DPYD: variants seen among roughly 807,000 people sequenced by gnomAD.
DPYD encodes the protein dihydropyrimidine dehydrogenase [NADP(+)].
DPYD carries 109 observed loss-of-function variants against 116.2 expected under a neutral mutation model. That is an observed-to-expected ratio of 0.94 (90% CI 0.80 to 1.10). DPYD has a LOEUF of 1.10. Ranked by LOEUF, DPYD falls within the 50% of genes least tolerant of loss-of-function variation. The pLI, the probability that DPYD is intolerant of heterozygous loss-of-function variation, is 0.00. For missense variants in DPYD, 1,302 were observed against 1,254.5 expected (o/e 1.04, Z -0.57); for synonymous variants, 440 against 432.0 (o/e 1.02, Z -0.23).
intron 11 of DPYD, among the ~76,000 whole-genome samples, chr1:97,564,374 C>A (rs982938173): frequency 1.2e-4 from 18 of 152,104 alleles, no homozygotes; most frequent in African/African-American, 4.3e-4. Flanking sequence ...AGAATCAATG[C>A]CACATATACT....
chr1:97,586,465 C>CATACAT (rs1557818669), intron 10 of DPYD, among the ~76,000 whole-genome samples: 1 of 34,310 alleles, frequency 2.9e-5, no homozygotes, highest in Non-Finnish European at 5.4e-5. Context: ...TACATACATA[C>CATACAT]ATATATATAT....
At chr1:97,377,768 C>T (rs1671718610) in intron 15 of DPYD, among the ~76,000 whole-genome samples, 1 of 152,150 alleles carries the variant, frequency 6.6e-6, no homozygotes, top group Admixed American at 6.5e-5. Flanking sequence ...TCAGGCAGGG[C>T]AAGACAGGTG....
intron 12 of DPYD, among the ~76,000 whole-genome samples, chr1:97,544,507 C>T (rs998020084): frequency 6.6e-6 from 1 of 152,106 alleles, no homozygotes; most frequent in African/African-American, 2.4e-5. Flanking sequence ...AAAGCACATG[C>T]ATGTTTTCTT....
chr1:97,324,844 C>G (rs758911982), intron 16 of DPYD, among the ~76,000 whole-genome samples: 5 of 152,010 alleles, frequency 3.3e-5, no homozygotes, highest in Non-Finnish European at 5.9e-5. Context: ...ATGATTTCTA[C>G]AAGATGGATA....
chr1:97,088,968 C>T (rs991864321), intron 21 of DPYD, among the ~76,000 whole-genome samples: 2 of 152,150 alleles, frequency 1.3e-5, no homozygotes, highest in African/African-American at 4.8e-5. Context: ...TCTGTTCCCT[C>T]CTGTTTATGC....
Position 97,392,139 on chromosome 1 carries a change from G to C in DPYD, c.1906-9678C>G, listed in dbSNP as rs143799871. Among the ~76,000 whole-genome samples the C allele has an allele frequency of 3.3e-4, 50 of 152,150 alleles. No individual in the cohort carries two copies. In the East Asian group the frequency reaches 9.3e-3, roughly 28 times the overall value. On this transcript the variant is annotated intron_variant, in intron 14 of 22. Transcript: ENST00000370192. Reference sequence around the variant, plus strand: ...CGAAGATATTGCAGGTTTGATTCCAGATGACAGCACTAAAACTAATATCAC... The same window carrying C: ...CGAAGATATTGCAGGTTTGATTCCACATGACAGCACTAAAACTAATATCAC...
At chr1:97,300,362 T>C (rs1251119546) in intron 18 of DPYD, among the ~76,000 whole-genome samples, 2 of 152,164 alleles carry the variant, frequency 1.3e-5, no homozygotes, top group African/African-American at 2.4e-5. Context: ...ATGATTACAA[T>C]AGATAGCTTA....
intron 20 of DPYD, among the ~76,000 whole-genome samples, chr1:97,170,387 C>T (rs544643669): frequency 3.9e-5 from 6 of 152,240 alleles, no homozygotes; most frequent in South Asian, 2.1e-4. Flanking sequence ...GAAGCCCATT[C>T]GAGTACTCAG....
At chr1:97,460,018 G>A (rs1251089732) in intron 13 of DPYD, among the ~76,000 whole-genome samples, 2 of 152,100 alleles carry the variant, frequency 1.3e-5, no homozygotes, top group African/African-American at 4.8e-5. Context: ...AGAATCAAAG[G>A]TACAGGAATA....
chr1:97,339,785 A>G (rs1314590496), intron 16 of DPYD, among the ~76,000 whole-genome samples: 1 of 152,214 alleles, frequency 6.6e-6, no homozygotes, highest in Non-Finnish European at 1.5e-5. Context: ...AATAGAAATT[A>G]TAAGACAGTG....
At chr1:97,499,388 G>T (rs1679450602) in intron 13 of DPYD, among the ~76,000 whole-genome samples, 1 of 151,596 alleles carries the variant, frequency 6.6e-6, no homozygotes, top group African/African-American at 2.4e-5. Context: ...CTGAGAACTA[G>T]TATTTTAGAA....
intron 16 of DPYD, among the ~76,000 whole-genome samples, chr1:97,315,980 T>A (rs1378805826): frequency 6.6e-6 from 1 of 151,990 alleles, no homozygotes; most frequent in Non-Finnish European, 1.5e-5. Flanking sequence ...GACACTTACT[T>A]GATCTTTTGA....
intron 5 of DPYD, chr1:97,720,633 T>C (rs987200989): frequency 8.0e-7 from 1 of 1,251,390 alleles, no homozygotes; most frequent in Admixed American, 4.2e-5. Context: ...TGAGGAATAT[T>C]ATGGGAAGGG....
intron 3 of DPYD, among the ~76,000 whole-genome samples, chr1:97,748,111 A>G (rs1664657665): frequency 6.6e-6 from 1 of 152,138 alleles, no homozygotes; most frequent in Non-Finnish European, 1.5e-5. Context: ...TCTGACAAAC[A>G]TATACATATG....
intron 16 of DPYD, among the ~76,000 whole-genome samples, chr1:97,316,625 T>C (rs1182170810): frequency 6.6e-6 from 1 of 151,890 alleles, no homozygotes; most frequent in Non-Finnish European, 1.5e-5. Context: ...TGCCCTCTGT[T>C]CTGAACTGTA....
chr1:97,228,403 G>T (rs944605549), intron 19 of DPYD, among the ~76,000 whole-genome samples: 4 of 152,066 alleles, frequency 2.6e-5, no homozygotes, highest in Non-Finnish European at 5.9e-5. Flanking sequence ...ATTTGGAACA[G>T]ATTTTGAAAT....
intron 8 of DPYD, among the ~76,000 whole-genome samples, chr1:97,618,306 G>A (rs557716253): frequency 6.6e-6 from 1 of 151,756 alleles, no homozygotes; most frequent in East Asian, 1.9e-4. Flanking sequence ...AAAAATCACA[G>A]GCATAGCATG....
At chr1:97,477,842 G>A (rs558180923) in intron 13 of DPYD, among the ~76,000 whole-genome samples, 5 of 151,900 alleles carry the variant, frequency 3.3e-5, no homozygotes, top group East Asian at 3.9e-4. Flanking sequence ...GGATGGTCTC[G>A]ATCTCCTGAC....
rs1299691100 is a variant in DPYD at position 97,213,198 on chromosome 1, A to C, written c.2443-19950T>G. On this transcript the variant is annotated intron_variant, in intron 19 of 22. Transcript: ENST00000370192. Reference sequence around the variant, plus strand: ...CTCTTAATACTACCAGATTGGGGTTAGTATTCCAACATATACATTTTGGGG... The same window carrying C: ...CTCTTAATACTACCAGATTGGGGTTCGTATTCCAACATATACATTTTGGGG... Among the ~76,000 whole-genome samples, 7 of 152,142 alleles carry C rather than the reference A, an allele frequency of 4.6e-5. No individual in the cohort carries two copies. In the South Asian group the frequency reaches 1.2e-3, roughly 27 times the overall value.
Sources: gnomAD v4.1 joint callset for allele counts (sites outside exome capture counted in the v4.1 genomes callset) on GRCh38, gnomAD v4.1.1 for gene constraint, MANE v1.5 for transcripts, NCBI Gene and HGNC (gene_info 2026-07-23, HGNC 2026-07-21) for gene names.